The following EXPH5 variants were observed in gnomAD, a reference collection of about 807,000 sequenced individuals.
The protein encoded by EXPH5 is exophilin-5.
In EXPH5, 42 loss-of-function variants were observed where a neutral mutation model predicts 41.1. That is an observed-to-expected ratio of 1.02 (90% CI 0.80 to 1.32). The LOEUF (loss-of-function observed/expected upper bound fraction) is 1.32. EXPH5 is among the 40% of genes most tolerant of loss of function. EXPH5 has a pLI of 0.00. For missense variants in EXPH5, 2,298 were observed against 2,314.5 expected (o/e 0.99, Z 0.15); for synonymous variants, 798 against 833.5 (o/e 0.96, Z 0.73).
At chr11:108,555,934 G>A (rs1226026175) in intron 1 of EXPH5, among the ~76,000 whole-genome samples, 3 of 152,250 alleles carry the variant, frequency 2.0e-5, no homozygotes, top group Middle Eastern at 3.4e-3. Flanking sequence ...GCGTGAGAAC[G>A]GACGTATACA....
At chr11:108,532,366 A>ATATATATATAT in intron 3 of EXPH5, among the ~76,000 whole-genome samples, 1 of 32,144 alleles carries the variant, frequency 3.1e-5, no homozygotes, top group Non-Finnish European at 4.6e-5. Flanking sequence ...ATATATATAT[A>ATATATATATAT]TTTTTTTTTT....
chr11:108,532,015 T>TTA (rs1241066699), intron 3 of EXPH5, among the ~76,000 whole-genome samples: 4 of 152,094 alleles, frequency 2.6e-5, no homozygotes, highest in African/African-American at 9.7e-5. Flanking sequence ...CCTTTATACT[T>TTA]TATTCAGAGT....
the EXPH5 span, among the ~76,000 whole-genome samples, chr11:108,600,187 CAG>C: frequency 2.0e-5 from 3 of 152,158 alleles, no homozygotes; most frequent in Non-Finnish European, 4.4e-5. Context: ...AATGTCCACT[CAG>C]AATGAAAGGA....
chr11:108,604,299 G>A, the EXPH5 span, among the ~76,000 whole-genome samples: 35 of 151,928 alleles, frequency 2.3e-4, no homozygotes, highest in Non-Finnish European at 3.5e-4. Context: ...AGGTGGCTGA[G>A]GTGGGAGGAT....
the EXPH5 span, among the ~76,000 whole-genome samples, chr11:108,604,974 A>G: frequency 6.6e-6 from 1 of 152,142 alleles, no homozygotes; most frequent in Non-Finnish European, 1.5e-5. Flanking sequence ...GATGAATTGG[A>G]TGGGACTGAC....
rs771423787 is a variant in EXPH5, at chr11:108,512,854, G to A, written c.2653C>T (p.Pro885Ser). 2.5e-6 allele frequency: 4 copies of A among 1,614,020 alleles called. No homozygotes were observed. Among genetic ancestry groups the A allele is most frequent in the Admixed American group, 1.7e-5 (1 of 60,010 alleles). Residue 885 changes from proline to serine, a missense_variant, in exon 6 of 6, where the codon CCA (proline) becomes TCA (serine). Pro to Ser is a moderately conservative substitution (Grantham distance 74). Coordinates refer to ENST00000265843, the MANE Select transcript of EXPH5 (RefSeq NM_015065.3). ...DSLDLSSAAL[P>S]DSSPSKNSSL... is the part of the protein sequence containing the mutation. ...GAATTCTTTGATGGTGAGGAATCTG[G>A]TAGTGCAGCTGATGACAGATCTAAA...
intron 1 of EXPH5, among the ~76,000 whole-genome samples, chr11:108,568,534 C>T (rs76155466): frequency 2.0e-5 from 3 of 152,192 alleles, no homozygotes; most frequent in Non-Finnish European, 4.4e-5. Flanking sequence ...GTCTTGGTCA[C>T]AGGCCTAAAA....
chr11:108,558,951 T>C (rs940390388), intron 1 of EXPH5, among the ~76,000 whole-genome samples: 6 of 152,198 alleles, frequency 3.9e-5, no homozygotes, highest in Admixed American at 6.5e-5. Flanking sequence ...GTGAAAACAC[T>C]TGCCAGAGGT....
intron 3 of EXPH5, among the ~76,000 whole-genome samples, chr11:108,531,672 C>T (rs1221149555): frequency 6.6e-6 from 1 of 152,172 alleles, no homozygotes; most frequent in Non-Finnish European, 1.5e-5. Context: ...TCAAGAATAT[C>T]CTTTTCTAAC....
chr11:108,536,572 T>C (rs960169919), intron 3 of EXPH5, among the ~76,000 whole-genome samples: 3 of 152,248 alleles, frequency 2.0e-5, no homozygotes, highest in African/African-American at 4.8e-5. Context: ...GCCTTTCTTT[T>C]TGGATTTTTA....
chr11:108,584,717 A>T (rs1281625209), intron 1 of EXPH5, among the ~76,000 whole-genome samples: 1 of 152,228 alleles, frequency 6.6e-6, no homozygotes, highest in East Asian at 1.9e-4. Flanking sequence ...TGCAAAAATA[A>T]AATGAACCTC....
intron 3 of EXPH5, among the ~76,000 whole-genome samples, chr11:108,532,964 A>G (rs2093853331): frequency 6.6e-6 from 1 of 152,180 alleles, no homozygotes; most frequent in Non-Finnish European, 1.5e-5. Context: ...TCCTCACAAG[A>G]GTACAGCCTG....
chr11:108,571,871 A>T (rs552091770), intron 1 of EXPH5, among the ~76,000 whole-genome samples: 1 of 152,014 alleles, frequency 6.6e-6, no homozygotes, highest in East Asian at 1.9e-4. Flanking sequence ...CCACAGTGAA[A>T]CCCTGTTTCT....
At position 108,509,594 on chromosome 11, in the gene EXPH5, G is replaced by T. The variant is rs371991280; in HGVS notation, c.5913C>A (p.Asp1971Glu). 2.5e-6 allele frequency: 4 copies of T among 1,601,250 alleles called. No individual in the cohort carries two copies. In the African/African-American group the frequency reaches 5.4e-5, roughly 22 times the overall value. ...DDPVDSDCDT[D>E]TTTDDEYYLD... ...GGTAGTATTCATCATCTGTGGTTGT[G>T]TCTGTGTCACAATCTGAGTCCACTG... is the stretch of plus-strand genomic sequence containing the variant. The change falls in exon 6 of 6, where the codon GAC (aspartate) becomes GAA (glutamate). Residue 1971 changes from aspartate to glutamate, a missense_variant. Transcript: ENST00000265843.
Position 108,511,929 on chromosome 11 carries a change from C to A in EXPH5, c.3578G>T (p.Gly1193Val), listed in dbSNP as rs1227789740. The change falls in exon 6 of 6, where the codon GGT (glycine) becomes GTT (valine). Residue 1193 changes from glycine to valine, a missense_variant. Gly to Val is a moderately radical substitution (Grantham distance 109). Transcript: ENST00000265843. ...ACTTCTCCTGGAGGCAGCCATTTTA[C>A]CCTCTTTCTCAGTGTATTCTTGGAA... is the stretch of plus-strand genomic sequence containing the variant. ...ENFQEYTEKE[G>V]KMAASRRSVF... 2 of 1,600,034 alleles carry A rather than the reference C, an allele frequency of 1.2e-6. No homozygotes were observed. Among genetic ancestry groups the A allele is most frequent in the African/African-American group, 2.7e-5 (2 of 73,886 alleles).
intron 1 of EXPH5, among the ~76,000 whole-genome samples, chr11:108,567,529 C>G (rs941345502): frequency 3.9e-5 from 6 of 152,118 alleles, no homozygotes; most frequent in African/African-American, 1.4e-4. Flanking sequence ...CATGCGTAGC[C>G]TTATATTCTT....
chr11:108,543,764 A>T (rs2093924881), intron 1 of EXPH5, among the ~76,000 whole-genome samples: 1 of 152,208 alleles, frequency 6.6e-6, no homozygotes, highest in East Asian at 1.9e-4. Context: ...CCCTGCCCAG[A>T]CTTGCATTTT....
At chr11:108,548,818 T>G (rs2093950887) in intron 1 of EXPH5, among the ~76,000 whole-genome samples, 1 of 152,182 alleles carries the variant, frequency 6.6e-6, no homozygotes, top group Admixed American at 6.5e-5. Flanking sequence ...GTGGTCTAGA[T>G]TCATTCATTT....
chr11:108,603,695 A>T, the EXPH5 span, among the ~76,000 whole-genome samples: 1 of 152,238 alleles, frequency 6.6e-6, no homozygotes, highest in African/African-American at 2.4e-5. Context: ...GTAGGACAGC[A>T]TTAAGCCAAA....
Sources: gnomAD v4.1 joint callset for allele counts (sites outside exome capture counted in the v4.1 genomes callset) on GRCh38, gnomAD v4.1.1 for gene constraint, MANE v1.5 for transcripts, NCBI Gene and HGNC (gene_info 2026-07-23, HGNC 2026-07-21) for gene names.